The following CFI variants were observed in gnomAD, a reference collection of about 807,000 sequenced individuals.
The protein encoded by CFI is complement factor I.
Under a neutral mutation model 78.8 loss-of-function variants are expected in CFI, and 66 were observed. The observed-to-expected ratio is 0.84, with a 90% CI of 0.69 to 1.03. CFI has a LOEUF of 1.03. Ranked by LOEUF, CFI falls within the 50% of genes least tolerant of loss-of-function variation. The pLI, the probability that CFI is intolerant of heterozygous loss-of-function variation, is 0.00. For synonymous variants in CFI, 250 were observed against 232.6 expected (o/e 1.07, Z -0.68); for missense variants, 706 against 704.5 (o/e 1.00, Z -0.02).
chr4:109,788,724 T>C (rs933114666), intron 1 of CFI, among the ~76,000 whole-genome samples: 4 of 152,006 alleles, frequency 2.6e-5, no homozygotes, highest in African/African-American at 9.7e-5. Context: ...AAATGCAAAG[T>C]GAACATTTTT....
the CFI span, among the ~76,000 whole-genome samples, chr4:109,732,503 T>C: frequency 6.6e-6 from 1 of 152,242 alleles, no homozygotes; most frequent in Admixed American, 6.5e-5. Context: ...AGACTATCTG[T>C]ATAATTTGTA....
At chr4:109,740,255 C>T (rs1723634968), downstream of CFI, among the ~76,000 whole-genome samples, 1 of 151,526 alleles carries the variant, frequency 6.6e-6, no homozygotes, top group South Asian at 2.1e-4. Flanking sequence ...GGCACTTCTG[C>T]AGTCCATCCA....
intron 1 of CFI, among the ~76,000 whole-genome samples, chr4:109,768,334 T>TAAAAAAAAAAAA (rs756365540): frequency 9.5e-5 from 6 of 63,182 alleles, no homozygotes; most frequent in Non-Finnish European, 8.8e-5. Context: ...GAAGAAATCC[T>TAAAAAAAAAAAA]AAAAAAAAAA....
chr4:109,778,403 C>A (rs1313541251), intron 1 of CFI, among the ~76,000 whole-genome samples: 1 of 152,170 alleles, frequency 6.6e-6, no homozygotes, highest in Non-Finnish European at 1.5e-5. Flanking sequence ...AATTCCTGGA[C>A]ACATACACCC....
chr4:109,766,592 C>G lies in CFI; in HGVS notation c.290G>C (p.Gly97Ala). ...QQKSLECLHP[G>A]TKFLNNGTCT... ...TGTTCCGTTATTTAAAAACTTTGTC[C>G]CTGGATGAAGACATTCCAAACTCTT... The change falls in exon 2 of 13, where the codon GGG (glycine) becomes GCG (alanine). Residue 97 changes from glycine (G) to alanine (A), a missense_variant. Gly to Ala is a moderately conservative substitution (Grantham distance 60). Transcript: ENST00000394634. 2.5e-6 allele frequency: 4 copies of G among 1,614,144 alleles called. No homozygotes were observed. The highest frequency in any genetic ancestry group is 3.4e-6 in the Non-Finnish European group (4 of 1,180,014).
At chr4:109,742,338 G>A in intron 12 of CFI, 153 bp downstream of exon 12, 1 of 675,320 alleles carries the variant, frequency 1.5e-6, no homozygotes, top group Non-Finnish European at 2.7e-6. Context: ...TGAGCTACAG[G>A]GAAGGGACTG....
In CFI at chr4:109,740,998, GT is replaced by G. The variant is rs1445308792; in HGVS notation, c.1646del (p.Asn549ThrfsTer25). 6 of 1,614,050 alleles carry G rather than the reference GT, an allele frequency of 3.7e-6. No homozygotes were observed. Among genetic ancestry groups the G allele is most frequent in the Admixed American group, 3.3e-5 (2 of 60,006 alleles). ...CACCTGGGAACTCTGGTTTTCCACAGTTTTCCCCCCAACTCACAACACCCCA... is the reference window on the plus strand; with the variant it reads ...CACCTGGGAACTCTGGTTTTCCACAGTTTCCCCCCAACTCACAACACCCCA... ...YVWGVVSWGE[N>X]CGKPEFPGVY... On this transcript the variant is annotated frameshift_variant, in exon 13 of 13. Transcript: ENST00000394634. LOFTEE classifies it high-confidence loss of function.
At chr4:109,797,292 T>G (rs1334313998) in intron 1 of CFI, among the ~76,000 whole-genome samples, 2 of 152,178 alleles carry the variant, frequency 1.3e-5, no homozygotes, top group Non-Finnish European at 2.9e-5. Flanking sequence ...AGTCAACTGC[T>G]CTTCAACAAG....
At chr4:109,795,234 C>A (rs750478725) in intron 1 of CFI, among the ~76,000 whole-genome samples, 3 of 152,252 alleles carry the variant, frequency 2.0e-5, no homozygotes, top group Non-Finnish European at 2.9e-5. Flanking sequence ...ACCAGGCCTG[C>A]CCGTGGACCA....
intron 5 of CFI, 53 bp downstream of exon 5, chr4:109,760,470 C>G: frequency 4.7e-6 from 7 of 1,489,690 alleles, no homozygotes; most frequent in Non-Finnish European, 5.6e-6. Flanking sequence ...TGCTTTTCCT[C>G]TTTTAGTCAG....
intron 11 of CFI, among the ~76,000 whole-genome samples, chr4:109,745,918 T>C (rs867768095): frequency 4.6e-5 from 7 of 152,286 alleles, no homozygotes; most frequent in Middle Eastern, 6.8e-3. Flanking sequence ...AGATAAGGAC[T>C]GGTTCCATAA....
intron 7 of CFI, among the ~76,000 whole-genome samples, chr4:109,756,821 T>A (rs1726216794): frequency 6.7e-6 from 1 of 149,366 alleles, no homozygotes; most frequent in Admixed American, 6.7e-5. Context: ...ATCAGGCCAC[T>A]GCACTCCAGC....
rs980513619 is a variant in CFI at position 109,799,353 on chromosome 4, C to T, written c.57+2562G>A. On this transcript the variant is annotated intron_variant, in intron 1 of 12. Coordinates refer to ENST00000394634, the MANE Select transcript of CFI (RefSeq NM_000204.5). ...AGACAAGTGCCTGGGGTCTGTCCTA[C>T]AGGAAGGCCTTAGGATAGAAAAGAC... 3.9e-5 allele frequency among the ~76,000 whole-genome samples: 6 copies of T among 152,172 alleles called. No homozygotes were observed. In the South Asian group the frequency reaches 8.3e-4, roughly 21 times the overall value.
chr4:109,778,443 T>A (rs960905693), intron 1 of CFI, among the ~76,000 whole-genome samples: 1 of 152,082 alleles, frequency 6.6e-6, no homozygotes, highest in African/African-American at 2.4e-5. Flanking sequence ...AGAGGTTGAA[T>A]CCCTGAATAG....
intron 1 of CFI, among the ~76,000 whole-genome samples, chr4:109,778,996 G>A (rs933824685): frequency 5.9e-5 from 9 of 152,128 alleles, no homozygotes; most frequent in African/African-American, 2.2e-4. Flanking sequence ...AATAATAAGA[G>A]CTATTTATGA....
chr4:109,770,556 TA>T (rs11310218), intron 1 of CFI, among the ~76,000 whole-genome samples: 117,089 of 123,470 alleles, frequency 0.95, 55,544 homozygotes, highest in South Asian at 0.99. Context: ...ACTCCATCTC[TA>T]AAAAAAAAAA....
At chr4:109,769,686 T>G (rs1409054788) in intron 1 of CFI, among the ~76,000 whole-genome samples, 2 of 152,188 alleles carry the variant, frequency 1.3e-5, no homozygotes, top group African/African-American at 4.8e-5. Context: ...ATGGTCCATG[T>G]CTTCTCAGCT....
At chr4:109,738,304 G>T (rs1723488913), downstream of CFI, among the ~76,000 whole-genome samples, 1 of 151,874 alleles carries the variant, frequency 6.6e-6, no homozygotes, top group African/African-American at 2.4e-5. Flanking sequence ...TAGAGATGGG[G>T]TCTTGCTATG....
intron 1 of CFI, among the ~76,000 whole-genome samples, chr4:109,778,355 C>A (rs1256229316): frequency 6.6e-6 from 1 of 152,204 alleles, no homozygotes; most frequent in Non-Finnish European, 1.5e-5. Flanking sequence ...ATAAACACCT[C>A]TATGCAAATA....
Sources: gnomAD v4.1 joint callset for allele counts (sites outside exome capture counted in the v4.1 genomes callset) on GRCh38, gnomAD v4.1.1 for gene constraint, MANE v1.5 for transcripts, NCBI Gene and HGNC (gene_info 2026-07-23, HGNC 2026-07-21) for gene names.